PDE4D: variants seen among roughly 807,000 people sequenced by gnomAD.
PDE4D encodes 3',5'-cyclic-AMP phosphodiesterase 4D.
In PDE4D, 24 loss-of-function variants were observed where a neutral mutation model predicts 87.4. The observed-to-expected ratio is 0.27, with a 90% CI of 0.20 to 0.39. PDE4D has a LOEUF of 0.39. PDE4D is among the 10% of genes least tolerant of loss of function. PDE4D has a pLI of 1.00. For missense variants in PDE4D, 714 were observed against 1,041.0 expected (o/e 0.69, Z 4.32); for synonymous variants, 384 against 383.2 (o/e 1.00, Z -0.02).
At chr5:59,139,175 G>T (rs1422520494) in intron 5 of PDE4D, among the ~76,000 whole-genome samples, 1 of 152,182 alleles carries the variant, frequency 6.6e-6, no homozygotes, top group Non-Finnish European at 1.5e-5. Context: ...GTAAGTCGCA[G>T]ACAATGAGGG....
In PDE4D at chr5:59,752,761, T is replaced by A. The variant is rs554864523; in HGVS notation, c.455+140407A>T. 2.0e-3 allele frequency among the ~76,000 whole-genome samples: 311 copies of A among 152,220 alleles called. 1 individual carries two copies. Among genetic ancestry groups the A allele is most frequent in the African/African-American group, 7.1e-3 (293 of 41,538 alleles). On this transcript the variant is annotated intron_variant, in intron 1 of 14. Coordinates refer to ENST00000340635, the MANE Select transcript of PDE4D (RefSeq NM_001104631.2). ...GCATCATTCTGGCCCAGTCATCAGT[T>A]CTGCTGAGGTTGAGCAACCCTGCTC...
chr5:60,051,057 C>T (rs1360576663), intron 2 of PDE4D, among the ~76,000 whole-genome samples: 1 of 152,144 alleles, frequency 6.6e-6, no homozygotes, highest in African/African-American at 2.4e-5. Flanking sequence ...TAGAGAACTA[C>T]AAAGAGACTT....
intron 1 of PDE4D, among the ~76,000 whole-genome samples, chr5:60,263,025 C>T (rs915771495): frequency 2.0e-5 from 3 of 152,176 alleles, no homozygotes; most frequent in African/African-American, 7.2e-5. Flanking sequence ...TCAGTCTTCA[C>T]GATTGACAGC....
intron 1 of PDE4D, among the ~76,000 whole-genome samples, chr5:59,592,708 AAAAGCCTAATACTG>A (rs1826081611): frequency 1.3e-5 from 2 of 152,100 alleles, no homozygotes; most frequent in Non-Finnish European, 1.5e-5. Flanking sequence ...TAGAAGACTT[AAAAGCCTAATACTG>A]AAATACAAAG....
At chr5:60,428,139 T>A (rs1221671724) in intron 1 of PDE4D, among the ~76,000 whole-genome samples, 4 of 152,178 alleles carry the variant, frequency 2.6e-5, no homozygotes, top group African/African-American at 9.7e-5. Context: ...GTAAGTTTAC[T>A]ACATTTGTCA....
At chr5:59,256,837 T>C (rs1044095129) in intron 1 of PDE4D, among the ~76,000 whole-genome samples, 3 of 152,044 alleles carry the variant, frequency 2.0e-5, no homozygotes, top group Non-Finnish European at 4.4e-5. Context: ...GTAAATATAC[T>C]AAAAATCAAT....
rs181440263 is a variant in PDE4D at position 59,514,023 on chromosome 5, T to A, written c.456-298055A>T. 7.9e-5 allele frequency among the ~76,000 whole-genome samples: 12 copies of A among 152,270 alleles called. No homozygotes were observed. The East Asian group carries it at 1.2e-3, about 15-fold the overall frequency. ...TCACTGCAGAATTCAGTGAAAGGTATACACTTTAAATGAAATCATGAAGCA... is the reference window on the plus strand; with the variant it reads ...TCACTGCAGAATTCAGTGAAAGGTAAACACTTTAAATGAAATCATGAAGCA... On this transcript the variant is annotated intron_variant, in intron 1 of 14. Transcript: ENST00000340635.
At chr5:59,609,762 G>GA (rs1441567710) in intron 1 of PDE4D, among the ~76,000 whole-genome samples, 2 of 152,100 alleles carry the variant, frequency 1.3e-5, no homozygotes, top group Non-Finnish European at 2.9e-5. Context: ...TCACTCTACA[G>GA]AAAAAAGGAA....
rs201435917 is a variant in PDE4D at position 59,181,470 on chromosome 5, GTTA to G, written c.759-829_759-827del. Among the ~76,000 whole-genome samples the G allele has an allele frequency of 7.3e-3, 1,084 of 148,262 alleles. 15 individuals carry two copies. Among genetic ancestry groups the G allele is most frequent in the African/African-American group, 0.026 (1,024 of 39,888 alleles). ...CATTTTTGAAATATAACTTTATAAA[GTTA>G]TTACTTGTAACTGACAGCTTTTAAA... On this transcript the variant is annotated intron_variant, in intron 4 of 14. Coordinates refer to ENST00000340635, the MANE Select transcript of PDE4D (RefSeq NM_001104631.2).
intron 5 of PDE4D, among the ~76,000 whole-genome samples, chr5:59,095,982 G>A (rs1769626939): frequency 1.3e-5 from 2 of 152,132 alleles, no homozygotes; most frequent in South Asian, 4.1e-4. Flanking sequence ...ACTTAACTGT[G>A]TACCATGTAC....
intron 1 of PDE4D, among the ~76,000 whole-genome samples, chr5:59,557,813 C>T (rs549109366): frequency 1.4e-4 from 21 of 151,830 alleles, no homozygotes; most frequent in African/African-American, 5.1e-4. Flanking sequence ...AGTGAAGTCA[C>T]CTAAAGGGAA....
At chr5:60,518,534 T>C (rs1370894654) in intron 1 of PDE4D, among the ~76,000 whole-genome samples, 1 of 152,218 alleles carries the variant, frequency 6.6e-6, no homozygotes, top group South Asian at 2.1e-4. Context: ...AAGAGGATAC[T>C]GAATTGTCAG....
intron 1 of PDE4D, among the ~76,000 whole-genome samples, chr5:60,461,007 G>C (rs113551465): frequency 7.8e-4 from 118 of 152,068 alleles, no homozygotes; most frequent in Non-Finnish European, 1.5e-3. Flanking sequence ...GATAGAACAG[G>C]AGTTTGTAAA....
At chr5:59,031,385 A>AAAGAT (rs1757420492) in intron 6 of PDE4D, among the ~76,000 whole-genome samples, 2 of 75,584 alleles carry the variant, frequency 2.6e-5, no homozygotes, top group Non-Finnish European at 4.5e-5. Flanking sequence ...ATATATATAT[A>AAAGAT]TATATATTAT....
At chr5:59,766,865 A>C (rs1317087694) in intron 1 of PDE4D, among the ~76,000 whole-genome samples, 4 of 152,214 alleles carry the variant, frequency 2.6e-5, no homozygotes, top group African/African-American at 7.2e-5. Context: ...AGAAAAAGTC[A>C]ATGTTTGTCT....
At chr5:60,289,570 G>A (rs1421150802) in intron 1 of PDE4D, among the ~76,000 whole-genome samples, 2 of 152,120 alleles carry the variant, frequency 1.3e-5, no homozygotes, top group African/African-American at 4.8e-5. Flanking sequence ...TGCTGAAATA[G>A]CAATAAAAAA....
intron 1 of PDE4D, among the ~76,000 whole-genome samples, chr5:60,396,158 C>T (rs1405391554): frequency 6.6e-6 from 1 of 152,186 alleles, no homozygotes; most frequent in Admixed American, 6.5e-5. Context: ...GCTTTATCCA[C>T]TGCGCATGTT....
At chr5:59,686,686 A>T (rs1483799380) in intron 1 of PDE4D, among the ~76,000 whole-genome samples, 2 of 152,166 alleles carry the variant, frequency 1.3e-5, no homozygotes, top group African/African-American at 2.4e-5. Flanking sequence ...ATATCTCAAC[A>T]CAACAAATAT....
intron 1 of PDE4D, among the ~76,000 whole-genome samples, chr5:59,657,337 T>G (rs1295222536): frequency 1.3e-5 from 2 of 152,182 alleles, no homozygotes; most frequent in Non-Finnish European, 2.9e-5. Flanking sequence ...TGCAGAATCA[T>G]ACAATTCCAT....
Sources: allele counts gnomAD v4.1 joint callset (sites outside exome capture counted in the v4.1 genomes callset), GRCh38; gene constraint gnomAD v4.1.1; transcripts MANE v1.5; gene names NCBI Gene and HGNC (gene_info 2026-07-23, HGNC 2026-07-21).